Variants in C7orf78 observed in about 807,000 individuals in gnomAD.
The protein encoded by C7orf78 is chromosome 7 open reading frame 78, also known as putative uncharacterized protein C7orf78.
chr7:12,504,019 C>A, the C7orf78 span, among the ~76,000 whole-genome samples: 1 of 152,192 alleles, frequency 6.6e-6, no homozygotes, highest in Non-Finnish European at 1.5e-5. Flanking sequence ...AACTTGTAAT[C>A]TTTATTTGTT....
At chr7:12,510,510 C>T in the C7orf78 span, among the ~76,000 whole-genome samples, 1 of 152,110 alleles carries the variant, frequency 6.6e-6, no homozygotes, top group African/African-American at 2.4e-5. Context: ...TGAGAATGTA[C>T]TAATTTACAT....
the C7orf78 span, among the ~76,000 whole-genome samples, chr7:12,515,713 A>C: frequency 1.3e-5 from 2 of 152,150 alleles, no homozygotes; most frequent in Non-Finnish European, 2.9e-5. Context: ...TCAGATGGAG[A>C]TGAGGAACTT....
the C7orf78 span, among the ~76,000 whole-genome samples, chr7:12,494,549 C>A: frequency 6.6e-6 from 1 of 152,074 alleles, no homozygotes; most frequent in Non-Finnish European, 1.5e-5. Context: ...TGACAAGCAG[C>A]CAAATTTATT....
chr7:12,495,314 G>T, the C7orf78 span, among the ~76,000 whole-genome samples: 2 of 152,168 alleles, frequency 1.3e-5, no homozygotes, highest in African/African-American at 4.8e-5. Flanking sequence ...CTCTTTCAAG[G>T]ATTAAATTCA....
At chr7:12,512,756 A>G in the C7orf78 span, among the ~76,000 whole-genome samples, 1 of 152,172 alleles carries the variant, frequency 6.6e-6, no homozygotes, top group Non-Finnish European at 1.5e-5. Flanking sequence ...GATGATTAGT[A>G]TTAGTTCTTT....
chr7:12,538,932 CT>C, the C7orf78 span, among the ~76,000 whole-genome samples: 1 of 152,162 alleles, frequency 6.6e-6, no homozygotes, highest in Non-Finnish European at 1.5e-5. Context: ...CCCCAAACAC[CT>C]TGTACTAAAG....
At chr7:12,498,325 G>A in the C7orf78 span, among the ~76,000 whole-genome samples, 1 of 151,474 alleles carries the variant, frequency 6.6e-6, no homozygotes, top group East Asian at 1.9e-4. Context: ...CAAAGAAGTT[G>A]AAAACTTTGA....
chr7:12,488,968 T>C, the C7orf78 span, among the ~76,000 whole-genome samples: 4 of 151,072 alleles, frequency 2.6e-5, no homozygotes, highest in Non-Finnish European at 5.9e-5. Context: ...TATATTTGAC[T>C]ACCTTTTATT....
chr7:12,519,315 C>G, the C7orf78 span, among the ~76,000 whole-genome samples: 2 of 152,196 alleles, frequency 1.3e-5, no homozygotes, highest in African/African-American at 4.8e-5. Context: ...CAGCCCCAGA[C>G]AAGCAGCCCT....
At chr7:12,514,909 T>C in the C7orf78 span, among the ~76,000 whole-genome samples, 2 of 151,638 alleles carry the variant, frequency 1.3e-5, no homozygotes, top group African/African-American at 4.9e-5. Flanking sequence ...CCATAGGTGA[T>C]AGGATTTTTT....
At chr7:12,537,944 T>C in the C7orf78 span, among the ~76,000 whole-genome samples, 1 of 152,154 alleles carries the variant, frequency 6.6e-6, no homozygotes, top group Non-Finnish European at 1.5e-5. Flanking sequence ...ACTGCATTAT[T>C]ATTCCATTTA....
chr7:12,516,477 C>T, the C7orf78 span, among the ~76,000 whole-genome samples: 4 of 152,244 alleles, frequency 2.6e-5, no homozygotes, highest in East Asian at 7.7e-4. Flanking sequence ...GGAGGCCCCA[C>T]ACAGAGTCCC....
At chr7:12,513,599 G>A in the C7orf78 span, among the ~76,000 whole-genome samples, 1 of 152,128 alleles carries the variant, frequency 6.6e-6, no homozygotes. Context: ...ATTCCACTGT[G>A]GTTGAGAAAA....
chr7:12,495,890 T>C, the C7orf78 span, among the ~76,000 whole-genome samples: 1 of 152,198 alleles, frequency 6.6e-6, no homozygotes, highest in Non-Finnish European at 1.5e-5. Flanking sequence ...CACAACTTGT[T>C]GCGTTCCCAA....
At chr7:12,504,230 A>G in the C7orf78 span, among the ~76,000 whole-genome samples, 1 of 152,100 alleles carries the variant, frequency 6.6e-6, no homozygotes, top group African/African-American at 2.4e-5. Context: ...CTTTCTGTGT[A>G]TTTACTGAGT....
chr7:12,526,133 G>C, the C7orf78 span, among the ~76,000 whole-genome samples: 1 of 152,124 alleles, frequency 6.6e-6, no homozygotes, highest in East Asian at 1.9e-4. Context: ...CTCATGTATA[G>C]AGAATAAATA....
the C7orf78 span, among the ~76,000 whole-genome samples, chr7:12,502,767 T>C: frequency 6.9e-6 from 1 of 145,288 alleles, no homozygotes; most frequent in Non-Finnish European, 1.5e-5. Context: ...CATGCTGCTA[T>C]AAAGACACAT....
the C7orf78 span, among the ~76,000 whole-genome samples, chr7:12,530,062 T>C: frequency 6.6e-6 from 1 of 152,048 alleles, no homozygotes; most frequent in Non-Finnish European, 1.5e-5. Flanking sequence ...TTCCCTATTT[T>C]AACCAGTCTT....
chr7:12,501,683 TC>T, the C7orf78 span, among the ~76,000 whole-genome samples: 22,826 of 147,274 alleles, frequency 0.15, 2,084 homozygotes, highest in South Asian at 0.23. Flanking sequence ...TTCAATGCCA[TC>T]CCCATCAAGC....
Sources: gnomAD v4.1 joint callset for allele counts (sites outside exome capture counted in the v4.1 genomes callset) on GRCh38, gnomAD v4.1.1 for gene constraint, MANE v1.5 for transcripts, NCBI Gene and HGNC (gene_info 2026-07-23, HGNC 2026-07-21) for gene names.